DIS3L2: variants seen among roughly 807,000 people sequenced by gnomAD.
The protein encoded by DIS3L2 is DIS3-like exonuclease 2.
Under a neutral mutation model 97.5 loss-of-function variants are expected in DIS3L2, and 34 were observed. The ratio of observed to expected loss-of-function variants is 0.35; its 90% CI spans 0.27 to 0.46. The LOEUF is 0.46. Among genes scored for constraint, DIS3L2 ranks in the 20% least tolerant of loss-of-function variants. DIS3L2 has a pLI of 1.00. For synonymous variants in DIS3L2, 435 were observed against 445.2 expected, an observed-to-expected ratio of 0.98 and a Z score of 0.29; for missense variants, 1,038 against 1,146.0, an observed-to-expected ratio of 0.91 and a Z score of 1.36.
At chr2:232,224,463 C>T (rs962163357) in intron 10 of DIS3L2, among the ~76,000 whole-genome samples, 8 of 151,888 alleles carry the variant, frequency 5.3e-5, no homozygotes, top group Non-Finnish European at 8.8e-5. Context: ...AAGTGGAGCA[C>T]AAAAAGCATA....
At chr2:231,996,202 C>A (rs1275007880) in intron 1 of DIS3L2, among the ~76,000 whole-genome samples, 3 of 152,212 alleles carry the variant, frequency 2.0e-5, no homozygotes, top group Non-Finnish European at 4.4e-5. Context: ...TTGGTCCAGG[C>A]AATTCCTGTT....
chr2:231,984,384 CTTTTTT>C (rs1297535054), intron 1 of DIS3L2, among the ~76,000 whole-genome samples: 1,486 of 125,996 alleles, frequency 0.012, 15 homozygotes, highest in Non-Finnish European at 0.018. Context: ...ACTGCAACTT[CTTTTTT>C]TTTTTTTTTT....
downstream of DIS3L2, among the ~76,000 whole-genome samples, chr2:232,339,288 C>T (rs529512091): frequency 2.6e-5 from 4 of 152,188 alleles, no homozygotes; most frequent in Non-Finnish European, 4.4e-5. Context: ...GCTTGGGAAG[C>T]GGGCGCCAGA....
At chr2:232,210,213 C>A in intron 9 of DIS3L2, 113 bp from the exon 10 acceptor site, 3 of 771,652 alleles carry the variant, frequency 3.9e-6, no homozygotes, top group Non-Finnish European at 6.7e-6. Context: ...TTATTTTTCA[C>A]TTTCCCTAAC....
At chr2:231,990,522 CAT>C (rs796808125) in intron 1 of DIS3L2, among the ~76,000 whole-genome samples, 30 of 152,242 alleles carry the variant, frequency 2.0e-4, no homozygotes, top group African/African-American at 7.2e-4. Flanking sequence ...GGGAAAGAAA[CAT>C]GAGATTGAAT....
intron 1 of DIS3L2, among the ~76,000 whole-genome samples, chr2:231,990,791 C>G (rs1021878392): frequency 3.3e-5 from 5 of 152,164 alleles, no homozygotes; most frequent in Non-Finnish European, 5.9e-5. Flanking sequence ...TAGATCCACT[C>G]AAGCAGTATC....
chr2:232,292,331 G>A lies in DIS3L2; in HGVS notation c.1660-7709G>A, dbSNP rs552965897. ...ATAATCTGAGCAGCCTGAGGAAGCTGTACATAGTCCTCAGTCACTCATTCT... is the reference window on the plus strand; with the variant it reads ...ATAATCTGAGCAGCCTGAGGAAGCTATACATAGTCCTCAGTCACTCATTCT... On this transcript the variant is annotated intron_variant, in intron 13 of 20. Transcript: ENST00000325385. This position sits in a 1 kb window ranked among gnomAD's most constrained non-coding sequence, Gnocchi z 4.4. Among the ~76,000 whole-genome samples the A allele has an allele frequency of 2.0e-5, 3 of 152,324 alleles. No individual in the cohort carries two copies. The South Asian group carries it at 6.2e-4, about 32-fold the overall frequency.
chr2:232,043,333 C>T (rs1695157491), intron 5 of DIS3L2, among the ~76,000 whole-genome samples: 1 of 152,156 alleles, frequency 6.6e-6, no homozygotes, highest in African/African-American at 2.4e-5. Context: ...GTCACTTCTG[C>T]TCATAGCTCA....
At chr2:232,019,045 A>G (rs1240178788) in intron 3 of DIS3L2, among the ~76,000 whole-genome samples, 1 of 152,180 alleles carries the variant, frequency 6.6e-6, no homozygotes, top group Non-Finnish European at 1.5e-5. Flanking sequence ...TGACATGGGT[A>G]TGAACATGGC....
intron 14 of DIS3L2, among the ~76,000 whole-genome samples, chr2:232,316,865 C>G (rs922377927): frequency 6.6e-6 from 1 of 151,976 alleles, no homozygotes; most frequent in Non-Finnish European, 1.5e-5. Context: ...GTTAGCTGGT[C>G]GCTATCTTTT....
At chr2:232,052,289 G>A (rs1282833862) in intron 5 of DIS3L2, among the ~76,000 whole-genome samples, 1 of 152,168 alleles carries the variant, frequency 6.6e-6, no homozygotes, top group Non-Finnish European at 1.5e-5. Context: ...TTCCCAAAAT[G>A]TTGGGATTAC....
At chr2:232,157,848 TC>T (rs1559686260) in intron 8 of DIS3L2, among the ~76,000 whole-genome samples, 1 of 152,156 alleles carries the variant, frequency 6.6e-6, no homozygotes. Context: ...TGTTCCTATG[TC>T]CCTTGAGCAA....
intron 12 of DIS3L2, chr2:232,260,366 C>T (rs1693683334): frequency 6.6e-6 from 1 of 152,254 alleles, no homozygotes; most frequent in South Asian, 2.1e-4. Flanking sequence ...GAGGACAAGC[C>T]TGGCTGAGCC....
chr2:232,201,251 C>T (rs890142571), intron 9 of DIS3L2, among the ~76,000 whole-genome samples: 6 of 152,244 alleles, frequency 3.9e-5, no homozygotes, highest in Non-Finnish European at 8.8e-5. Flanking sequence ...AAGGTATGCA[C>T]ATCATCACCT....
intron 11 of DIS3L2, among the ~76,000 whole-genome samples, chr2:232,247,854 C>G (rs1433350198): frequency 6.6e-6 from 1 of 151,916 alleles, no homozygotes; most frequent in African/African-American, 2.4e-5. Context: ...AATAAGTTAG[C>G]AAAGAAAATA....
chr2:232,194,308 T>A (rs1691692272), intron 9 of DIS3L2, among the ~76,000 whole-genome samples: 1 of 152,014 alleles, frequency 6.6e-6, no homozygotes, highest in South Asian at 2.1e-4. Flanking sequence ...TAAAAATATG[T>A]ATAATATATA....
intron 6 of DIS3L2, among the ~76,000 whole-genome samples, chr2:232,125,887 G>A (rs939443157): frequency 6.6e-6 from 1 of 152,170 alleles, no homozygotes; most frequent in Non-Finnish European, 1.5e-5. Flanking sequence ...GAAGAGAGGG[G>A]GGCCCATAAG....
chr2:232,200,475 A>G (rs1691860673), intron 9 of DIS3L2, among the ~76,000 whole-genome samples: 1 of 152,288 alleles, frequency 6.6e-6, no homozygotes, highest in South Asian at 2.1e-4. Context: ...GACTTGCCAC[A>G]GGGATATAGA....
At chr2:232,340,956 A>C (rs1339633363), downstream of DIS3L2, 2 of 470,318 alleles carry the variant, frequency 4.3e-6, no homozygotes, top group South Asian at 3.1e-5. Context: ...GTAGAAAAAG[A>C]AATGATGAAT....
Sources: allele counts gnomAD v4.1 joint callset (sites outside exome capture counted in the v4.1 genomes callset), GRCh38; gene constraint gnomAD v4.1.1; non-coding constraint Gnocchi (gnomAD v3.1); transcripts MANE v1.5; gene names NCBI Gene and HGNC (gene_info 2026-07-23, HGNC 2026-07-21).